PAK1: variants seen among roughly 807,000 people sequenced by gnomAD.
PAK1 encodes the protein serine/threonine-protein kinase PAK 1.
A neutral mutation model predicts 67.4 loss-of-function variants in PAK1; 29 were observed. The observed-to-expected ratio is 0.43, with a 90% confidence interval of 0.32 to 0.59. The LOEUF is 0.59. Among genes scored for constraint, PAK1 ranks in the 20% least tolerant of loss-of-function variants. The pLI is 0.07. For missense variants in PAK1, 337 were observed against 670.7 expected (o/e 0.50, Z 5.50); for synonymous variants, 223 against 237.4 (o/e 0.94, Z 0.56).
At chr11:77,505,128 T>C in the PAK1 span, among the ~76,000 whole-genome samples, 4 of 152,228 alleles carry the variant, frequency 2.6e-5, no homozygotes, top group Non-Finnish European at 2.9e-5. Flanking sequence ...CATTTTTAAG[T>C]GTACCATTCA....
chr11:77,385,725 C>G (rs1950363795), intron 2 of PAK1, among the ~76,000 whole-genome samples: 2 of 152,070 alleles, frequency 1.3e-5, no homozygotes, highest in African/African-American at 4.8e-5. Flanking sequence ...GGCGTGGTGG[C>G]AGGTGCCTAT....
intron 12 of PAK1, 148 bp downstream of exon 12, chr11:77,337,176 T>C (rs1942838341): frequency 4.1e-6 from 2 of 491,246 alleles, no homozygotes; most frequent in Admixed American, 3.7e-5. Context: ...CTATGATTAA[T>C]ACAGAAAATA....
chr11:77,360,627 G>A (rs1042834176), intron 5 of PAK1, among the ~76,000 whole-genome samples: 1 of 152,136 alleles, frequency 6.6e-6, no homozygotes, highest in Non-Finnish European at 1.5e-5. Context: ...TAAAACTGTA[G>A]AGAAGGGGAT....
chr11:77,472,135 G>A (rs1001765810), intron 1 of PAK1, among the ~76,000 whole-genome samples: 38 of 152,174 alleles, frequency 2.5e-4, no homozygotes, highest in African/African-American at 7.7e-4. Flanking sequence ...AAACATAGTA[G>A]CTCTCCGAAC....
chr11:77,346,351 A>G (rs1369366464), intron 9 of PAK1, among the ~76,000 whole-genome samples: 1 of 152,180 alleles, frequency 6.6e-6, no homozygotes, highest in Non-Finnish European at 1.5e-5. Context: ...AGGCTAGGAG[A>G]TAGCATTCCT....
chr11:77,328,356 C>G (rs1940573364), intron 14 of PAK1, among the ~76,000 whole-genome samples: 1 of 152,262 alleles, frequency 6.6e-6, no homozygotes, highest in African/African-American at 2.4e-5. Flanking sequence ...CACACCACAC[C>G]TACTCCAAAA....
upstream of PAK1, chr11:77,474,897 A>C (rs941422735): frequency 6.6e-6 from 1 of 152,202 alleles, no homozygotes; most frequent in Non-Finnish European, 1.5e-5. Context: ...CAGATTCAAC[A>C]TGTGCGAAAC....
chr11:77,370,776 T>A (rs1246408641), intron 5 of PAK1, among the ~76,000 whole-genome samples: 1 of 152,250 alleles, frequency 6.6e-6, no homozygotes, highest in African/African-American at 2.4e-5. Context: ...GATGGGCACA[T>A]GAATTCAGTT....
rs1951271272 is a variant in PAK1, at chr11:77,392,552, A to C, written c.-21-11T>G. ...CACCAGCAGCAGCTACTAGAATCAGAAATAAGAACAATATAACTCTTTTAT... is the reference window on the plus strand; with the variant it reads ...CACCAGCAGCAGCTACTAGAATCAGCAATAAGAACAATATAACTCTTTTAT... On this transcript the variant is annotated splice_polypyrimidine_tract_variant and intron_variant, in intron 1 of 14. Coordinates refer to ENST00000356341, the MANE Select transcript of PAK1 (RefSeq NM_002576.5). 2 of 1,549,736 alleles carry C rather than the reference A, an allele frequency of 1.3e-6. No individual in the cohort carries two copies. The highest frequency in any genetic ancestry group is 1.8e-6 in the Non-Finnish European group (2 of 1,140,832).
At chr11:77,435,118 C>CAAAAAAAAA (rs11452381) in intron 1 of PAK1, among the ~76,000 whole-genome samples, 3 of 128,666 alleles carry the variant, frequency 2.3e-5, no homozygotes, top group African/African-American at 8.5e-5. Context: ...TGTGAATATA[C>CAAAAAAAAA]AAAAAAAAAA....
intron 9 of PAK1, among the ~76,000 whole-genome samples, chr11:77,346,411 C>G (rs1461180058): frequency 6.6e-6 from 1 of 152,194 alleles, no homozygotes; most frequent in Non-Finnish European, 1.5e-5. Context: ...AGCTCAGGAT[C>G]TGACTGTCAC....
chr11:77,507,869 G>T, the PAK1 span, among the ~76,000 whole-genome samples: 1 of 152,040 alleles, frequency 6.6e-6, no homozygotes, highest in Non-Finnish European at 1.5e-5. Flanking sequence ...CAGGTAAAAA[G>T]TATCTACTAT....
chr11:77,469,967 C>T (rs1386322034), intron 1 of PAK1, among the ~76,000 whole-genome samples: 1 of 152,024 alleles, frequency 6.6e-6, no homozygotes, highest in Non-Finnish European at 1.5e-5. Context: ...TCAAAAGCCT[C>T]GTTTTTAGAT....
chr11:77,330,572 G>T (rs972918530), intron 14 of PAK1, among the ~76,000 whole-genome samples: 1 of 152,144 alleles, frequency 6.6e-6, no homozygotes, highest in Non-Finnish European at 1.5e-5. Flanking sequence ...TGGGAAAACT[G>T]GCTAGCCATA....
the PAK1 span, among the ~76,000 whole-genome samples, chr11:77,497,856 A>C: frequency 6.6e-6 from 1 of 152,226 alleles, no homozygotes; most frequent in Non-Finnish European, 1.5e-5. Context: ...TTTCACTAGA[A>C]TATTAATCTT....
Position 77,444,177 on chromosome 11 carries a change from G to T in PAK1, c.-22+29375C>A, listed in dbSNP as rs528592140. Among the ~76,000 whole-genome samples, 122 of 151,404 alleles carry T rather than the reference G, an allele frequency of 8.1e-4. 1 individual carries two copies. Among genetic ancestry groups the T allele is most frequent in the African/African-American group, 2.9e-3 (119 of 41,238 alleles). On this transcript the variant is annotated intron_variant, in intron 1 of 14. Coordinates refer to ENST00000356341, the MANE Select transcript of PAK1 (RefSeq NM_002576.5). The stretch of plus-strand genomic sequence containing the variant: ...CTCAGAAGAGATGTACTTGAAACTG[G>T]AAAGTTTTAGGGAATGGCCAAAAGG...
the PAK1 span, among the ~76,000 whole-genome samples, chr11:77,525,734 T>C: frequency 6.6e-6 from 1 of 152,366 alleles, no homozygotes; most frequent in African/African-American, 2.4e-5. Flanking sequence ...TTCTCAGGCG[T>C]CTGCCTGGGA....
the PAK1 span, among the ~76,000 whole-genome samples, chr11:77,489,623 AT>A: frequency 1.3e-5 from 2 of 151,624 alleles, no homozygotes; most frequent in African/African-American, 4.9e-5. Flanking sequence ...TGGTTTTCGT[AT>A]TTTTTTGGTG....
chr11:77,444,973 CA>C (rs34653938), intron 1 of PAK1, among the ~76,000 whole-genome samples: 139 of 143,460 alleles, frequency 9.7e-4, no homozygotes, highest in East Asian at 1.2e-3. Flanking sequence ...AATTGTGTCT[CA>C]AAAAAAAAAA....
Sources: gnomAD v4.1 joint callset for allele counts (sites outside exome capture counted in the v4.1 genomes callset) on GRCh38, gnomAD v4.1.1 for gene constraint, MANE v1.5 for transcripts, NCBI Gene and HGNC (gene_info 2026-07-23, HGNC 2026-07-21) for gene names.